Variants in RYR3 observed in about 807,000 individuals in gnomAD.
The protein encoded by RYR3 is ryanodine receptor 3.
In RYR3, 207 loss-of-function variants were observed where a neutral mutation model predicts 584.3. That is an observed-to-expected ratio of 0.35 (90% CI 0.32 to 0.40). The LOEUF is 0.40. Among genes scored for constraint, RYR3 ranks in the 10% least tolerant of loss-of-function variants. The pLI is 1.00. For missense variants in RYR3, 5,616 were observed against 6,089.2 expected (o/e 0.92, Z 2.59); for synonymous variants, 2,416 against 2,248.5 (o/e 1.07, Z -2.11).
chr15:33,417,934 G>T (rs971648128), intron 1 of RYR3, among the ~76,000 whole-genome samples: 1 of 152,080 alleles, frequency 6.6e-6, no homozygotes, highest in Non-Finnish European at 1.5e-5. Context: ...CTATTGAGAT[G>T]ATCATATGGT....
intron 12 of RYR3, among the ~76,000 whole-genome samples, chr15:33,579,388 C>G: frequency 6.6e-6 from 1 of 152,014 alleles, no homozygotes. Context: ...AGAGGAGAGA[C>G]AAAATTAACA....
intron 16 of RYR3, among the ~76,000 whole-genome samples, chr15:33,597,051 G>A (rs1293394047): frequency 6.6e-6 from 1 of 152,232 alleles, no homozygotes. Context: ...TAGAAGTTAC[G>A]GTAATCTTAC....
intron 1 of RYR3, among the ~76,000 whole-genome samples, chr15:33,415,444 A>G (rs1188574343): frequency 6.6e-6 from 1 of 152,148 alleles, no homozygotes; most frequent in Admixed American, 6.5e-5. Flanking sequence ...AGGTGAATAA[A>G]GATTCCATAT....
At chr15:33,330,216 G>T (rs556112067) in intron 1 of RYR3, among the ~76,000 whole-genome samples, 2 of 152,218 alleles carry the variant, frequency 1.3e-5, no homozygotes, top group South Asian at 2.1e-4. Context: ...AAATCATCAG[G>T]CTACACCTCT....
intron 19 of RYR3, among the ~76,000 whole-genome samples, chr15:33,618,581 G>A (rs111974836): frequency 1.3e-5 from 2 of 152,306 alleles, no homozygotes; most frequent in African/African-American, 2.4e-5. Flanking sequence ...ATTATGAATC[G>A]TGACTTACGA....
intron 34 of RYR3, among the ~76,000 whole-genome samples, chr15:33,660,830 T>C (rs2063119843): frequency 6.6e-6 from 1 of 152,182 alleles, no homozygotes; most frequent in Non-Finnish European, 1.5e-5. Flanking sequence ...ATCCCATTGC[T>C]CTCTCTTTCT....
chr15:33,543,813 C>A, intron 8 of RYR3, 98 bp downstream of exon 8: 1 of 824,322 alleles, frequency 1.2e-6, no homozygotes, highest in South Asian at 1.5e-5. Flanking sequence ...GAACTCTGTA[C>A]ATGTCAGTCC....
chr15:33,680,436 A>T (rs569143488), intron 38 of RYR3, among the ~76,000 whole-genome samples: 1 of 152,230 alleles, frequency 6.6e-6, no homozygotes, highest in African/African-American at 2.4e-5. Context: ...CCAGGCAGTC[A>T]TCTTGCTTCT....
At chr15:33,342,411 G>A (rs1971929818) in intron 1 of RYR3, among the ~76,000 whole-genome samples, 1 of 152,198 alleles carries the variant, frequency 6.6e-6, no homozygotes, top group Non-Finnish European at 1.5e-5. Context: ...TTGGGATTTA[G>A]CATTATGTTA....
chr15:33,382,528 A>G (rs1474918865), intron 1 of RYR3, among the ~76,000 whole-genome samples: 3 of 151,876 alleles, frequency 2.0e-5, no homozygotes. Context: ...TCACCATATT[A>G]GTCAGGCTGC....
rs1011014559 is a variant in RYR3 at position 33,822,886 on chromosome 15, G to A, written c.10996-110G>A. 5.3e-6 allele frequency: 4 copies of A among 759,984 alleles called. No individual in the cohort carries two copies. In the African/African-American group the frequency reaches 7.0e-5, roughly 13 times the overall value. 47.1% of individuals were successfully genotyped at this position (759,984 alleles called of 1,614,324 possible). On this transcript the variant is annotated intron_variant, in intron 80 of 103. Transcript: ENST00000634891. ...ACCCCATGGGACTCTGATTCCATAA[G>A]CAGAGCGTCCAACTCAGTGTGGCTG... is the stretch of plus-strand genomic sequence containing the variant.
intron 38 of RYR3, among the ~76,000 whole-genome samples, chr15:33,677,072 T>C (rs1302474546): frequency 4.6e-5 from 7 of 152,318 alleles, no homozygotes; most frequent in African/African-American, 1.7e-4. Flanking sequence ...TCCCATTTTA[T>C]GCACTAGGCA....
At chr15:33,810,353 T>C (rs2076454449) in intron 70 of RYR3, 126 bp from the exon 71 acceptor site, 1 of 821,390 alleles carries the variant, frequency 1.2e-6, no homozygotes, top group African/African-American at 1.7e-5. Flanking sequence ...TCACTGTCCT[T>C]TGAAGTGTAG....
At position 33,375,557 on chromosome 15, in the gene RYR3, T is replaced by C. The variant is rs1168079408; in HGVS notation, c.51+64461T>C. 2.0e-5 allele frequency among the ~76,000 whole-genome samples: 3 copies of C among 152,360 alleles called. No individual in the cohort carries two copies. In the East Asian group the frequency reaches 5.8e-4, roughly 29 times the overall value. ...AGACTCAAACATGAGAGTTGTGTTATGAACCACTCTTAAAGTTCACTGCAG... is the reference window on the plus strand; with the variant it reads ...AGACTCAAACATGAGAGTTGTGTTACGAACCACTCTTAAAGTTCACTGCAG... On this transcript the variant is annotated intron_variant, in intron 1 of 103. Transcript: ENST00000634891.
chr15:33,389,193 G>A (rs1014668203), intron 1 of RYR3, among the ~76,000 whole-genome samples: 15 of 151,826 alleles, frequency 9.9e-5, no homozygotes, highest in Non-Finnish European at 7.4e-5. Context: ...AAACCTGCAC[G>A]TTGTGCACAT....
rs2068955771 is a variant in RYR3 at position 33,731,563 on chromosome 15, C to A, written c.7293C>A (p.Leu2431=). The A allele has an allele frequency of 6.2e-7, 1 of 1,613,794 alleles. No homozygotes were observed. The highest frequency in any genetic ancestry group is 1.3e-5 in the African/African-American group (1 of 74,934). The change falls in exon 48 of 104, where the codon CTC becomes CTA. Residue 2431 remains leucine (L), a synonymous_variant. Coordinates refer to ENST00000634891, the MANE Select transcript of RYR3 (RefSeq NM_001036.6). ...CGCTCCTCACAAGATGTGCCCCTCT[C>A]TTTGCCGGAACAGAACACTGCACCT... ...VLPLLTRCAP[L]FAGTEHCTSL...
intron 3 of RYR3, among the ~76,000 whole-genome samples, chr15:33,522,844 C>T (rs1188848084): frequency 1.3e-5 from 2 of 152,156 alleles, no homozygotes; most frequent in African/African-American, 2.4e-5. Flanking sequence ...CCCTCCTACC[C>T]CTGGGCTGTA....
chr15:33,406,349 TCA>T (rs773126666), intron 1 of RYR3, among the ~76,000 whole-genome samples: 8 of 152,202 alleles, frequency 5.3e-5, no homozygotes, highest in Non-Finnish European at 1.0e-4. Flanking sequence ...TGTTTGACCC[TCA>T]CAGTTTTCAT....
chr15:33,600,237 G>A (rs968051133), intron 16 of RYR3, among the ~76,000 whole-genome samples: 1 of 152,134 alleles, frequency 6.6e-6, no homozygotes, highest in African/African-American at 2.4e-5. Context: ...AAATTGGTTT[G>A]TGAGAATTAT....
Sources: allele counts gnomAD v4.1 joint callset (sites outside exome capture counted in the v4.1 genomes callset), GRCh38; gene constraint gnomAD v4.1.1; transcripts MANE v1.5; gene names NCBI Gene and HGNC (gene_info 2026-07-23, HGNC 2026-07-21).